RBFOX1: variants seen among roughly 807,000 people sequenced by gnomAD.
RBFOX1 encodes the protein RNA binding protein fox-1 homolog 1.
RBFOX1 carries 8 observed loss-of-function variants against 57.7 expected under a neutral mutation model. The observed-to-expected ratio is 0.14, with a 90% CI of 0.08 to 0.25. The LOEUF (loss-of-function observed/expected upper bound fraction) is 0.25. Ranked by LOEUF, RBFOX1 falls within the 10% of genes least tolerant of loss-of-function variation. The pLI is 1.00. For synonymous variants in RBFOX1, 326 were observed against 222.4 expected, an observed-to-expected ratio of 1.47 and a Z score of -4.15; for missense variants, 611 against 548.5, an observed-to-expected ratio of 1.11 and a Z score of -1.14.
chr16:6,991,931 A>T (rs192681765), intron 3 of RBFOX1, among the ~76,000 whole-genome samples: 1 of 152,194 alleles, frequency 6.6e-6, no homozygotes, highest in Non-Finnish European at 1.5e-5. Flanking sequence ...TTCTGATTCA[A>T]TCAATAGGGT....
chr16:6,814,829 T>G (rs747161612), intron 3 of RBFOX1, among the ~76,000 whole-genome samples: 2 of 152,086 alleles, frequency 1.3e-5, no homozygotes, highest in Non-Finnish European at 2.9e-5. Flanking sequence ...TGAGTGTTTC[T>G]GGAAAGGGGT....
chr16:7,134,503 C>G (rs767567877), intron 4 of RBFOX1, among the ~76,000 whole-genome samples: 1 of 152,194 alleles, frequency 6.6e-6, no homozygotes, highest in Non-Finnish European at 1.5e-5. Context: ...ATTGCTGTTT[C>G]AGCCCAGAGT....
intron 1 of RBFOX1, among the ~76,000 whole-genome samples, chr16:6,110,793 C>T (rs1375957906): frequency 6.6e-6 from 1 of 152,140 alleles, no homozygotes; most frequent in Non-Finnish European, 1.5e-5. Flanking sequence ...ACTGCTGCAA[C>T]CAGGGAGGCA....
At chr16:5,562,059 G>T (rs1263520652) in intron 2 of RBFOX1, among the ~76,000 whole-genome samples, 2 of 152,102 alleles carry the variant, frequency 1.3e-5, no homozygotes, top group African/African-American at 2.4e-5. Context: ...TATTTCCAGG[G>T]TGAGACGCTT....
intron 3 of RBFOX1, among the ~76,000 whole-genome samples, chr16:6,836,206 C>T (rs534096799): frequency 5.3e-5 from 8 of 152,178 alleles, no homozygotes; most frequent in Non-Finnish European, 1.2e-4. Flanking sequence ...TTTCTTTTCT[C>T]ATCGTTTCTT....
At chr16:5,980,380 C>T (rs1046637287) in intron 4 of RBFOX1, among the ~76,000 whole-genome samples, 6 of 152,134 alleles carry the variant, frequency 3.9e-5, no homozygotes, top group South Asian at 2.1e-4. Flanking sequence ...TGGTGAGTTC[C>T]GGGGGAAAGT....
intron 4 of RBFOX1, among the ~76,000 whole-genome samples, chr16:7,162,301 A>G (rs982949524): frequency 3.3e-5 from 5 of 152,202 alleles, no homozygotes; most frequent in African/African-American, 1.2e-4. Context: ...GTATACACAC[A>G]TACATGCACA....
At chr16:5,861,249 C>A (rs2057205750) in intron 3 of RBFOX1, among the ~76,000 whole-genome samples, 1 of 152,194 alleles carries the variant, frequency 6.6e-6, no homozygotes, top group South Asian at 2.1e-4. Flanking sequence ...CCATCTTCTC[C>A]CCTTTGATAC....
At chr16:5,291,067 T>C (rs1437124469) in intron 1 of RBFOX1, among the ~76,000 whole-genome samples, 1 of 152,064 alleles carries the variant, frequency 6.6e-6, no homozygotes, top group Non-Finnish European at 1.5e-5. Context: ...AATCAGGAAA[T>C]GAGGCTGGAG....
chr16:5,978,741 G>A (rs947385430), intron 4 of RBFOX1, among the ~76,000 whole-genome samples: 11 of 151,164 alleles, frequency 7.3e-5, no homozygotes, highest in Admixed American at 4.6e-4. Flanking sequence ...CCAGTCCGGC[G>A]TCCTGTACAT....
At chr16:6,736,904 G>T (rs1303669301) in intron 3 of RBFOX1, among the ~76,000 whole-genome samples, 3 of 152,190 alleles carry the variant, frequency 2.0e-5, no homozygotes, top group Non-Finnish European at 4.4e-5. Context: ...AGACTTAGCA[G>T]GGAGGAGTGC....
At chr16:6,126,630 C>T (rs1259619709) in intron 1 of RBFOX1, among the ~76,000 whole-genome samples, 1 of 152,072 alleles carries the variant, frequency 6.6e-6, no homozygotes, top group African/African-American at 2.4e-5. Context: ...TGATGGGATG[C>T]CTCTTTTTAC....
chr16:6,428,683 C>T (rs9934174), intron 2 of RBFOX1, among the ~76,000 whole-genome samples: 35 of 152,276 alleles, frequency 2.3e-4, no homozygotes, highest in African/African-American at 6.7e-4. Flanking sequence ...AAGCAGCTCA[C>T]GTCCTGAAAT....
At chr16:7,581,900 A>G (rs2093793953) in intron 6 of RBFOX1, among the ~76,000 whole-genome samples, 1 of 151,878 alleles carries the variant, frequency 6.6e-6, no homozygotes, top group Admixed American at 6.6e-5. Context: ...TTTTTTTAAT[A>G]GAGATGGGGT....
At chr16:6,884,563 A>G (rs920723565) in intron 3 of RBFOX1, among the ~76,000 whole-genome samples, 1 of 152,120 alleles carries the variant, frequency 6.6e-6, no homozygotes, top group African/African-American at 2.4e-5. Context: ...AAGACCTCAA[A>G]TATGTTTTAT....
chr16:6,695,534 C>G (rs895909945), intron 3 of RBFOX1, among the ~76,000 whole-genome samples: 1 of 151,832 alleles, frequency 6.6e-6, no homozygotes, highest in East Asian at 1.9e-4. Context: ...TCTTGGAGCC[C>G]TTAAGTGGCC....
intron 5 of RBFOX1, among the ~76,000 whole-genome samples, chr16:7,562,555 C>T (rs2090648363): frequency 1.3e-5 from 2 of 152,170 alleles, no homozygotes; most frequent in East Asian, 1.9e-4. Flanking sequence ...AATGTGGACT[C>T]CACAGCCCCA....
chr16:6,084,121 A>G (rs889266271), intron 1 of RBFOX1, among the ~76,000 whole-genome samples: 6 of 152,338 alleles, frequency 3.9e-5, no homozygotes, highest in African/African-American at 1.4e-4. Flanking sequence ...AATACGGCCA[A>G]TAATAATACC....
chr16:7,325,826 T>A (rs951708289), intron 4 of RBFOX1, among the ~76,000 whole-genome samples: 2 of 152,210 alleles, frequency 1.3e-5, no homozygotes, highest in Non-Finnish European at 1.5e-5. Context: ...TCCTTGGTAT[T>A]CTAAATATTA....
Sources: gnomAD v4.1 joint callset for allele counts (sites outside exome capture counted in the v4.1 genomes callset) on GRCh38, gnomAD v4.1.1 for gene constraint, MANE v1.5 for transcripts, NCBI Gene and HGNC (gene_info 2026-07-23, HGNC 2026-07-21) for gene names.